SPAG9: variants seen among roughly 807,000 people sequenced by gnomAD.
The protein encoded by SPAG9 is sperm associated antigen 9, also known as C-Jun-amino-terminal kinase-interacting protein 4.
A neutral mutation model predicts 166.5 loss-of-function variants in SPAG9; 35 were observed. The ratio of observed to expected loss-of-function variants is 0.21; its 90% confidence interval spans 0.16 to 0.28. The LOEUF is 0.28. SPAG9 is among the 10% of genes least tolerant of loss of function. The probability of loss-of-function intolerance (pLI) is 1.00; values close to 1 mark genes in which losing one functional copy is unlikely to be tolerated. For missense variants in SPAG9, 1,235 were observed against 1,603.3 expected (o/e 0.77, Z 3.92); for synonymous variants, 534 against 565.5 (o/e 0.94, Z 0.79).
chr17:50,998,572 A>G lies in SPAG9; in HGVS notation c.1710T>C (p.Pro570=). Residue 570 remains proline, a synonymous_variant, in exon 15 of 30, where the codon CCT becomes CCC. Coordinates refer to ENST00000262013, the MANE Select transcript of SPAG9 (RefSeq NM_001130528.3). ...TGTACTTCAGATTAACAGGTGGTTCAGGCTTCTTAGTCGTGTTACTTGAGG... is the reference window on the plus strand; with the variant it reads ...TGTACTTCAGATTAACAGGTGGTTCGGGCTTCTTAGTCGTGTTACTTGAGG... ...FSSSSNTTKK[P]EPPVNLKYNA... The G allele has an allele frequency of 6.2e-7, 1 of 1,614,212 alleles. No homozygotes were observed. The highest frequency in any genetic ancestry group is 8.5e-7 in the Non-Finnish European group (1 of 1,180,026).
Position 51,098,166 on chromosome 17 carries a change from G to GT in SPAG9, c.304-18463dup, listed in dbSNP as rs375879566. 7.4e-3 allele frequency among the ~76,000 whole-genome samples: 1,097 copies of GT among 148,854 alleles called. 13 individuals are homozygous for GT. The highest frequency in any genetic ancestry group is 0.024 in the African/African-American group (993 of 40,646). On this transcript the variant is annotated intron_variant, in intron 1 of 29. Coordinates refer to ENST00000262013, the MANE Select transcript of SPAG9 (RefSeq NM_001130528.3). ...CACAGAAGTCTTCTGTGTTATGTGT[G>GT]TTTTTTTTTTCAGGTCTGAGAATGT...
intron 9 of SPAG9, among the ~76,000 whole-genome samples, chr17:51,008,854 A>AGACAC (rs2045336509): frequency 6.6e-6 from 1 of 152,170 alleles, no homozygotes; most frequent in African/African-American, 2.4e-5. Context: ...CTAAATTTTT[A>AGACAC]TTCCTTTGTA....
chr17:51,025,250 G>A (rs1028569684), intron 6 of SPAG9, among the ~76,000 whole-genome samples: 4 of 143,812 alleles, frequency 2.8e-5, no homozygotes, highest in Non-Finnish European at 4.5e-5. Context: ...CCCAGGAGAC[G>A]GAGGCTGCAG....
At chr17:51,106,787 ACT>A (rs1170443146) in intron 1 of SPAG9, among the ~76,000 whole-genome samples, 1 of 147,692 alleles carries the variant, frequency 6.8e-6, no homozygotes, top group African/African-American at 2.5e-5. Flanking sequence ...ATAGAGCAAG[ACT>A]CTGTCTTAAT....
chr17:51,039,733 AT>A (rs2046757306), intron 5 of SPAG9, among the ~76,000 whole-genome samples: 1 of 152,202 alleles, frequency 6.6e-6, no homozygotes, highest in South Asian at 2.1e-4. Flanking sequence ...AATAAAGAGA[AT>A]TATAATAATC....
chr17:51,077,053 G>GCTAGCTAGCTAGCTATCTAGCTAT (rs2048020759), intron 2 of SPAG9, among the ~76,000 whole-genome samples: 2 of 113,222 alleles, frequency 1.8e-5, no homozygotes, highest in Admixed American at 1.7e-4. Context: ...TAGCTATCTA[G>GCTAGCTAGCTAGCTATCTAGCTAT]CTAGCTATCT....
At chr17:50,995,659 G>GT in intron 16 of SPAG9, 126 bp from the exon 17 acceptor site, 5 of 668,664 alleles carry the variant, frequency 7.5e-6, no homozygotes, top group South Asian at 5.6e-5. Context: ...TCAAGTTCAG[G>GT]TTTTTTGTTT....
At chr17:51,085,421 T>C (rs2144663667) in intron 1 of SPAG9, 1 of 152,348 alleles carries the variant, frequency 6.6e-6, no homozygotes, top group South Asian at 2.1e-4. Context: ...GTGGAATGAT[T>C]CAAGCTTCAG....
At chr17:51,112,661 T>C in intron 1 of SPAG9, among the ~76,000 whole-genome samples, 1 of 113,114 alleles carries the variant, frequency 8.8e-6, no homozygotes, top group African/African-American at 3.5e-5. Context: ...AGAGCCAGAC[T>C]CTGTCTCAAC....
At chr17:51,078,252 C>A (rs1215969422) in intron 2 of SPAG9, among the ~76,000 whole-genome samples, 3 of 152,204 alleles carry the variant, frequency 2.0e-5, no homozygotes, top group Non-Finnish European at 4.4e-5. Flanking sequence ...TACCAAACAT[C>A]CATTGGCCCT....
chr17:51,114,380 C>T (rs2049219270), intron 1 of SPAG9, among the ~76,000 whole-genome samples: 1 of 151,726 alleles, frequency 6.6e-6, no homozygotes, highest in South Asian at 2.1e-4. Context: ...GCCTGTAATC[C>T]CAACACTTTG....
chr17:51,119,068 C>T (rs886978164), intron 1 of SPAG9, among the ~76,000 whole-genome samples: 10 of 146,864 alleles, frequency 6.8e-5, no homozygotes, highest in African/African-American at 2.5e-4. Flanking sequence ...TTTTGTTTGG[C>T]AAATTCAATA....
At chr17:51,056,257 A>G (rs1192771290) in intron 3 of SPAG9, among the ~76,000 whole-genome samples, 155 bp downstream of exon 3, 4 of 152,200 alleles carry the variant, frequency 2.6e-5, no homozygotes, top group African/African-American at 9.7e-5. Context: ...TAACTAGGTA[A>G]ATGCCACATG....
chr17:51,046,689 G>A (rs940916668), intron 4 of SPAG9: 13 of 1,535,712 alleles, frequency 8.5e-6, no homozygotes, highest in South Asian at 8.3e-5. Flanking sequence ...TGAAACACCC[G>A]AACCAAGGAG....
intron 25 of SPAG9, among the ~76,000 whole-genome samples, 188 bp downstream of exon 25, chr17:50,982,336 C>T (rs989440493): frequency 2.0e-5 from 3 of 152,166 alleles, no homozygotes; most frequent in African/African-American, 7.2e-5. Context: ...CACTTTCTAC[C>T]CTCACAGTCA....
intron 2 of SPAG9, among the ~76,000 whole-genome samples, chr17:51,057,402 G>C (rs2144524196): frequency 6.6e-6 from 1 of 152,288 alleles, no homozygotes; most frequent in Admixed American, 6.5e-5. Context: ...AATGTTCCCT[G>C]GGTTTAAGGG....
chr17:51,002,969 C>A (rs1412650176), intron 12 of SPAG9, among the ~76,000 whole-genome samples: 1 of 148,680 alleles, frequency 6.7e-6, no homozygotes, highest in African/African-American at 2.5e-5. Flanking sequence ...TTGGTCCCAG[C>A]TACTCAGGAG....
At position 50,989,865 on chromosome 17, in the gene SPAG9, T is replaced by G; in HGVS notation, c.2625A>C (p.Glu875Asp). Residue 875 changes from glutamate (E) to aspartate (D), a missense_variant, in exon 21 of 30, where the codon GAA becomes GAC. Glu to Asp is a conservative substitution (Grantham distance 45, BLOSUM62 2). Transcript: ENST00000262013. The part of the protein sequence containing the change: ...SPVMDKPPEM[E>D]AENSEVDENV... ...TTTCATCAACCTCACTATTTTCTGCTTCCATTTCTACAAAGTAAATAAAAC... is the reference window on the plus strand; with the variant it reads ...TTTCATCAACCTCACTATTTTCTGCGTCCATTTCTACAAAGTAAATAAAAC... 1 of 1,613,968 alleles carries G rather than the reference T, an allele frequency of 6.2e-7. No homozygotes were observed. The highest frequency in any genetic ancestry group is 8.5e-7 in the Non-Finnish European group (1 of 1,179,850).
At chr17:51,116,350 T>C (rs957297848) in intron 1 of SPAG9, among the ~76,000 whole-genome samples, 1 of 152,166 alleles carries the variant, frequency 6.6e-6, no homozygotes, top group African/African-American at 2.4e-5. Context: ...CTGGCCCTTT[T>C]TTAAAAGTTA....
Sources: allele counts gnomAD v4.1 joint callset (sites outside exome capture counted in the v4.1 genomes callset), GRCh38; gene constraint gnomAD v4.1.1; transcripts MANE v1.5; gene names NCBI Gene and HGNC (gene_info 2026-07-23, HGNC 2026-07-21).